KIF4A: variants seen among roughly 807,000 people sequenced by gnomAD.
The protein encoded by KIF4A is kinesin family member 4A.
Under a neutral mutation model 105.9 loss-of-function variants are expected in KIF4A, and 7 were observed. The observed-to-expected ratio is 0.07, with a 90% confidence interval of 0.04 to 0.12. The LOEUF (loss-of-function observed/expected upper bound fraction) is 0.12, where lower values mean the gene tolerates loss of function less well. Ranked by LOEUF, KIF4A falls within the 10% of genes least tolerant of loss-of-function variation. The pLI is 1.00. For missense variants in KIF4A, 558 were observed against 929.2 expected (o/e 0.60, Z 5.19); for synonymous variants, 281 against 331.3 (o/e 0.85, Z 1.65).
At chrX:70,330,132 G>T in intron 8 of KIF4A, 25 bp from the exon 9 acceptor site, 1 of 1,136,623 alleles carries the variant, frequency 8.8e-7, no homozygotes, top group East Asian at 3.1e-5. Context: ...ATTTCCTTTC[G>T]TTATTCTTTA....
intron 28 of KIF4A, among the ~76,000 whole-genome samples, chrX:70,417,491 AC>A (rs1388175576): frequency 2.7e-5 from 3 of 111,968 alleles, no homozygotes; most frequent in African/African-American, 6.5e-5. Context: ...TACTGAAAAT[AC>A]AAAAAGTAGC....
At position 70,405,671 on chromosome X, in the gene KIF4A, G is replaced by A. The variant is rs1032466123; in HGVS notation, c.2899-157G>A. ...TGGCATTCAGGGCACCTAGGAACTG[G>A]GAATCAGACATTTTTCTGGGTGCCA... is the stretch of plus-strand genomic sequence containing the variant. On this transcript the variant is annotated intron_variant, in intron 25 of 30. Coordinates refer to ENST00000374403, the MANE Select transcript of KIF4A (RefSeq NM_012310.5). Among the ~76,000 whole-genome samples, 3 of 111,305 alleles carry A rather than the reference G, an allele frequency of 2.7e-5. No individual in the cohort carries two copies. The East Asian group carries it at 8.5e-4, about 31-fold the overall frequency.
intron 3 of KIF4A, among the ~76,000 whole-genome samples, chrX:70,293,880 T>C (rs2085770477): frequency 8.9e-6 from 1 of 112,382 alleles, no homozygotes; most frequent in Admixed American, 9.4e-5. Context: ...TGTATACTAC[T>C]GTAGACTTTA....
chrX:70,348,499 A>G (rs2086003380), intron 13 of KIF4A, among the ~76,000 whole-genome samples: 2 of 111,240 alleles, frequency 1.8e-5, no homozygotes, highest in Non-Finnish European at 3.8e-5. Flanking sequence ...AGGTCCCTGC[A>G]GCCTTCTGCA....
At chrX:70,330,835 C>A (rs1219234814) in intron 9 of KIF4A, among the ~76,000 whole-genome samples, 1 of 112,085 alleles carries the variant, frequency 8.9e-6, no homozygotes, top group Non-Finnish European at 1.9e-5. Context: ...GATTCTCGAA[C>A]AATAGGAGTT....
At chrX:70,304,116 A>T (rs1395505492) in intron 7 of KIF4A, among the ~76,000 whole-genome samples, 2 of 75,191 alleles carry the variant, frequency 2.7e-5, no homozygotes, top group Non-Finnish European at 4.9e-5. Context: ...CAGTCCGCAG[A>T]GTGTGATGTT....
chrX:70,290,240 T>C (rs753560958), intron 1 of KIF4A, 90 bp downstream of exon 1: 2 of 392,854 alleles, frequency 5.1e-6, no homozygotes, highest in Non-Finnish European at 8.4e-6. Context: ...CGTTGGAGTT[T>C]TTTCTTTGCC....
intron 7 of KIF4A, among the ~76,000 whole-genome samples, chrX:70,306,881 C>T (rs1386581426): frequency 1.8e-5 from 2 of 109,543 alleles, no homozygotes. Context: ...GCTCTGTTTC[C>T]CAGGTTGGAA....
At chrX:70,377,609 A>AT (rs1485740281) in intron 18 of KIF4A, among the ~76,000 whole-genome samples, 2 of 112,413 alleles carry the variant, frequency 1.8e-5, no homozygotes, top group Non-Finnish European at 3.8e-5. Flanking sequence ...GATAGACCAT[A>AT]TGCTAGACCT....
intron 7 of KIF4A, among the ~76,000 whole-genome samples, chrX:70,319,002 C>G (rs963709875): frequency 2.7e-5 from 3 of 111,684 alleles, no homozygotes; most frequent in South Asian, 7.4e-4. Flanking sequence ...TGGTGGCTCG[C>G]GCCTGTAATC....
chrX:70,341,953 A>G (rs904410592), intron 11 of KIF4A, 22 bp downstream of exon 11: 2 of 1,194,602 alleles, frequency 1.7e-6, no homozygotes, highest in Admixed American at 4.6e-5. Context: ...AGAATAAACT[A>G]CTAGCAATCT....
chrX:70,309,880 T>C (rs2085841920), intron 7 of KIF4A, among the ~76,000 whole-genome samples: 1 of 111,889 alleles, frequency 8.9e-6, no homozygotes, highest in East Asian at 2.8e-4. Context: ...CTGTGTCTAC[T>C]AACATTCCAA....
At chrX:70,358,992 C>A (rs779610427) in intron 15 of KIF4A, among the ~76,000 whole-genome samples, 22 of 111,650 alleles carry the variant, frequency 2.0e-4, no homozygotes, top group Non-Finnish European at 4.1e-4. Context: ...TAGGTTCGGC[C>A]TCTCCAGAAA....
chrX:70,327,196 C>T (rs1021110384), intron 7 of KIF4A, among the ~76,000 whole-genome samples: 1 of 111,893 alleles, frequency 8.9e-6, no homozygotes, highest in Non-Finnish European at 1.9e-5. Context: ...GCAGGCTTTC[C>T]TTCATATCCT....
intron 15 of KIF4A, among the ~76,000 whole-genome samples, chrX:70,360,317 C>T (rs2086069789): frequency 2.7e-5 from 3 of 112,893 alleles, no homozygotes; most frequent in African/African-American, 9.7e-5. Context: ...CTTACCTGCT[C>T]CCAGGGGATT....
Position 70,389,157 on chromosome X carries a change from G to A in KIF4A, c.2232+1860G>A, listed in dbSNP as rs759876148. ...TGTAGTCCCAACTACCGGGGAGACT[G>A]AGGTGGGAAGATCGCTTGAGACTGG... On this transcript the variant is annotated intron_variant, in intron 20 of 30. Transcript: ENST00000374403. Among the ~76,000 whole-genome samples, 12 of 111,998 alleles carry A rather than the reference G, an allele frequency of 1.1e-4. No individual in the cohort carries two copies. The South Asian group carries it at 4.5e-3, about 42-fold the overall frequency.
At chrX:70,347,757 C>T (rs1055421249) in intron 13 of KIF4A, among the ~76,000 whole-genome samples, 23 of 103,926 alleles carry the variant, frequency 2.2e-4, no homozygotes, top group Non-Finnish European at 9.8e-5. Context: ...GGGCGGATCA[C>T]GAGGTCAGGA....
intron 20 of KIF4A, among the ~76,000 whole-genome samples, chrX:70,390,066 C>T (rs892331357): frequency 2.7e-5 from 3 of 111,685 alleles, no homozygotes; most frequent in Non-Finnish European, 5.6e-5. Flanking sequence ...AGTGTACAAG[C>T]GTTGTACATC....
intron 30 of KIF4A, 138 bp from the exon 31 acceptor site, chrX:70,419,924 A>T: frequency 9.9e-7 from 1 of 1,009,251 alleles, no homozygotes. Context: ...CATAGACTCT[A>T]GTCTGGTTTT....
Sources: gnomAD v4.1 joint callset for allele counts (sites outside exome capture counted in the v4.1 genomes callset) on GRCh38, gnomAD v4.1.1 for gene constraint, MANE v1.5 for transcripts, NCBI Gene and HGNC (gene_info 2026-07-23, HGNC 2026-07-21) for gene names.